Variants in PLA2R1 observed in about 807,000 individuals in gnomAD.
PLA2R1 encodes the protein phospholipase A2 receptor 1.
A neutral mutation model predicts 195.9 loss-of-function variants in PLA2R1; 158 were observed. That is an observed-to-expected ratio of 0.81 (90% CI 0.71 to 0.92). The LOEUF is 0.92. Ranked by LOEUF, PLA2R1 falls within the 40% of genes least tolerant of loss-of-function variation. The pLI is 0.00. For synonymous variants in PLA2R1, 586 were observed against 598.2 expected, an observed-to-expected ratio of 0.98 and a Z score of 0.30; for missense variants, 1,626 against 1,764.6, an observed-to-expected ratio of 0.92 and a Z score of 1.41.
At chr2:160,060,460 C>G (rs1695876970) in intron 1 of PLA2R1, among the ~76,000 whole-genome samples, 1 of 152,192 alleles carries the variant, frequency 6.6e-6, no homozygotes, top group African/African-American at 2.4e-5. Context: ...TCTACTCATG[C>G]AGGTGACTGG....
rs757428651 is a variant in PLA2R1, at chr2:159,942,112, TG to T, written c.4177+14del. On this transcript the variant is annotated intron_variant, in intron 29 of 29. Transcript: ENST00000283243. ...CTAAGAAAAATCAAAATGTTTTGTA[TG>T]GTTTCAAACGTACCTTTTTCTGGCA... 6.2e-7 allele frequency: 1 copy of T among 1,607,662 alleles called. No homozygotes were observed. The highest frequency in any genetic ancestry group is 1.7e-5 in the Admixed American group (1 of 59,826).
chr2:160,038,410 G>A (rs1395059240), intron 3 of PLA2R1, among the ~76,000 whole-genome samples: 1 of 152,186 alleles, frequency 6.6e-6, no homozygotes, highest in Non-Finnish European at 1.5e-5. Context: ...AGCTCCCAGG[G>A]AATTCCAACG....
intron 11 of PLA2R1, among the ~76,000 whole-genome samples, chr2:159,996,630 CTTCTT>C (rs1179213943): frequency 2.6e-5 from 4 of 151,964 alleles, no homozygotes; most frequent in Non-Finnish European, 5.9e-5. Context: ...TCAAATATTG[CTTCTT>C]TTCTTTTATT....
At chr2:160,009,058 A>G (rs1443533074) in intron 10 of PLA2R1, among the ~76,000 whole-genome samples, 2 of 152,248 alleles carry the variant, frequency 1.3e-5, no homozygotes, top group Non-Finnish European at 2.9e-5. Context: ...GATAATAGTA[A>G]GCATTGGCTA....
At position 159,940,113 on chromosome 2, in the gene PLA2R1, T is replaced by C. The variant is rs1687022058; in HGVS notation, c.*1665A>G. Reference sequence around the variant, plus strand: ...TTTCTAATGATGATGGTTTGCCTCTTAGAAATTCATTCATACTTTCTCTCA... The same window carrying C: ...TTTCTAATGATGATGGTTTGCCTCTCAGAAATTCATTCATACTTTCTCTCA... On this transcript the variant is annotated 3_prime_UTR_variant, in exon 30 of 30. Coordinates refer to ENST00000283243, the MANE Select transcript of PLA2R1 (RefSeq NM_007366.5). 6.6e-6 allele frequency: 1 copy of C among 152,144 alleles called. No homozygotes were observed. The highest frequency in any genetic ancestry group is 1.5e-5 in the Non-Finnish European group (1 of 68,034). 9.4% of individuals were successfully genotyped at this position (152,144 alleles called of 1,614,324 possible).
rs755758328 is a variant in PLA2R1 at position 159,967,559 on chromosome 2, A to G, written c.2884T>C (p.Trp962Arg). Reference protein sequence around the residue: ...PKQHGTCPKGWLYFNYKCLLL... With the variant: ...PKQHGTCPKGRLYFNYKCLLL... ...CTTACCTTATAGTTAAAATATAGCC[A>G]TCCTTTGGGACACGTTCCATGTTGT... The change falls in exon 20 of 30, where the codon TGG becomes CGG. Residue 962 changes from tryptophan (W) to arginine (R), a missense_variant. Physicochemically the swap from Trp to Arg is moderately radical, Grantham distance 101. Transcript: ENST00000283243. 6.2e-7 allele frequency: 1 copy of G among 1,613,662 alleles called. No homozygotes were observed. Among genetic ancestry groups the G allele is most frequent in the Admixed American group, 1.7e-5 (1 of 60,002 alleles).
intron 3 of PLA2R1, among the ~76,000 whole-genome samples, chr2:160,036,849 G>A (rs1311006929): frequency 1.3e-5 from 2 of 152,172 alleles, no homozygotes; most frequent in African/African-American, 4.8e-5. Context: ...CATCTGTGCT[G>A]ATCCACTGAC....
intron 11 of PLA2R1, among the ~76,000 whole-genome samples, chr2:159,997,536 A>T (rs1691295655): frequency 6.6e-6 from 1 of 152,030 alleles, no homozygotes; most frequent in Non-Finnish European, 1.5e-5. Flanking sequence ...TTTTTCTCTG[A>T]TATTTCACTG....
In PLA2R1 at chr2:159,967,625, T is replaced by A; in HGVS notation, c.2818A>T (p.Lys940Ter). ...SVSMPSICKR[K>*]KVWLIEKKKD... is the part of the protein sequence containing the mutation. ...TTTTTCTCTATGAGCCAAACCTTTT[T>A]TCGCTTACAGATACTAGGCATAGAA... Residue 940 changes from lysine (K) to a stop codon, truncating the protein, a stop_gained, in exon 20 of 30, where the codon AAA becomes TAA. Coordinates refer to ENST00000283243, the MANE Select transcript of PLA2R1 (RefSeq NM_007366.5). LOFTEE classifies it high-confidence loss of function. 1 of 1,613,850 alleles carries A rather than the reference T, an allele frequency of 6.2e-7. No homozygotes were observed. Among genetic ancestry groups the A allele is most frequent in the African/African-American group, 1.3e-5 (1 of 75,042 alleles).
chr2:159,951,215 A>G (rs1454228218), intron 24 of PLA2R1, 125 bp downstream of exon 24: 8 of 647,088 alleles, frequency 1.2e-5, no homozygotes, highest in Non-Finnish European at 2.2e-5. Context: ...CAATTATTTA[A>G]GTGTTATATT....
rs367882295 is a variant in PLA2R1 at position 159,941,965 on chromosome 2, G to A, written c.4205C>T (p.Ala1402Val). ...KGPSHSIIPL[A>V]VVLTLIVIVA... ...AATGACTATCAGTGTCAGTACAACC[G>A]CAAGAGGAATGATGCTGTGACTTGG... Residue 1402 changes from alanine to valine, a missense_variant, in exon 30 of 30, where the codon GCG becomes GTG. Physicochemically the swap from Ala to Val is moderately conservative, Grantham distance 64. Transcript: ENST00000283243. 64 of 1,613,404 alleles carry A rather than the reference G, an allele frequency of 4.0e-5. No individual in the cohort carries two copies. Among genetic ancestry groups the A allele is most frequent in the Admixed American group, 1.7e-4 (10 of 59,968 alleles).
chr2:160,055,138 A>G (rs1695454195), intron 1 of PLA2R1, among the ~76,000 whole-genome samples: 1 of 152,252 alleles, frequency 6.6e-6, no homozygotes, highest in African/African-American at 2.4e-5. Flanking sequence ...GAAAAGAGTT[A>G]GAGGCTTAAC....
Position 160,016,783 on chromosome 2 carries a change from T to TAA in PLA2R1, c.1453-73_1453-72dup, listed in dbSNP as rs3833577. 593 of 671,990 alleles carry TAA rather than the reference T, an allele frequency of 8.8e-4. 1 individual carries two copies. Among genetic ancestry groups the TAA allele is most frequent in the African/African-American group, 4.0e-3 (219 of 55,094 alleles). The allele number at this position is 671,990 out of a possible 1,614,324, so 41.6% of individuals were successfully genotyped here. ...TACCGATGGGCAATAGCAATTCTTA[T>TAA]AAAAAAAATATGATGAATAATGTGC... On this transcript the variant is annotated intron_variant, in intron 8 of 29. Transcript: ENST00000283243.
chr2:159,938,434 A>G lies in PLA2R1; in HGVS notation c.*3344T>C, dbSNP rs938087527. The G allele has an allele frequency of 1.6e-4, 25 of 152,288 alleles. No individual in the cohort carries two copies. The highest frequency in any genetic ancestry group is 5.1e-4 in the African/African-American group (21 of 41,456). The allele number at this position is 152,288 out of a possible 1,614,324, so 9.4% of individuals were successfully genotyped here. The stretch of plus-strand genomic sequence containing the variant: ...ATGGCATTTCGCCTTTCTGGACGAA[A>G]AGAGTAGCTAATGGTAGCTAATGGG... On this transcript the variant is annotated 3_prime_UTR_variant, in exon 30 of 30. Coordinates refer to ENST00000283243, the MANE Select transcript of PLA2R1 (RefSeq NM_007366.5).
In PLA2R1 at chr2:160,045,214, A is replaced by G; in HGVS notation, c.110-57T>C. 3 of 1,357,524 alleles carry G rather than the reference A, an allele frequency of 2.2e-6. No homozygotes were observed. In the East Asian group the frequency reaches 6.9e-5, roughly 31 times the overall value. 84.1% of individuals were successfully genotyped at this position (1,357,524 alleles called of 1,614,324 possible). On this transcript the variant is annotated intron_variant, in intron 1 of 29. Coordinates refer to ENST00000283243, the MANE Select transcript of PLA2R1 (RefSeq NM_007366.5). ...TTTTCATATATAATTAACTAGCGTCATGAGGATCTCAGTGTGCATATCTAA... is the reference window on the plus strand; with the variant it reads ...TTTTCATATATAATTAACTAGCGTCGTGAGGATCTCAGTGTGCATATCTAA...
intron 9 of PLA2R1, among the ~76,000 whole-genome samples, chr2:160,016,337 C>T (rs577776595): frequency 6.6e-6 from 1 of 151,144 alleles, no homozygotes; most frequent in South Asian, 2.1e-4. Flanking sequence ...GGGCATCACA[C>T]ATCACAGGAT....
Position 160,062,411 on chromosome 2 carries a change from C to A in PLA2R1, c.-8G>T, listed in dbSNP as rs2105740319. ...CGACGGCGACAGCAGCATCGCTAACCACTGGGCTCTCCGGGAGCCCCTTGT... is the reference window on the plus strand; with the variant it reads ...CGACGGCGACAGCAGCATCGCTAACAACTGGGCTCTCCGGGAGCCCCTTGT... On this transcript the variant is annotated 5_prime_UTR_variant, in exon 1 of 30. Transcript: ENST00000283243. The A allele has an allele frequency of 2.0e-6, 3 of 1,536,324 alleles. No individual in the cohort carries two copies. In the East Asian group the frequency reaches 7.7e-5, roughly 40 times the overall value.
chr2:160,015,797 T>C (rs1174978705), intron 9 of PLA2R1, among the ~76,000 whole-genome samples: 1 of 152,200 alleles, frequency 6.6e-6, no homozygotes, highest in East Asian at 1.9e-4. Context: ...AAAATGAAGA[T>C]TCTAAGGGGA....
At chr2:160,000,815 G>C (rs1162392596) in intron 11 of PLA2R1, among the ~76,000 whole-genome samples, 1 of 152,116 alleles carries the variant, frequency 6.6e-6, no homozygotes, top group Non-Finnish European at 1.5e-5. Context: ...TGGCTGAAGA[G>C]AGAATCAATG....
Sources: gnomAD v4.1 joint callset for allele counts (sites outside exome capture counted in the v4.1 genomes callset) on GRCh38, gnomAD v4.1.1 for gene constraint, MANE v1.5 for transcripts, NCBI Gene and HGNC (gene_info 2026-07-23, HGNC 2026-07-21) for gene names.